RGS22: variants seen among roughly 807,000 people sequenced by gnomAD.
RGS22 encodes regulator of G protein signaling 22.
In RGS22, 148 loss-of-function variants were observed where a neutral mutation model predicts 172.9. The ratio of observed to expected loss-of-function variants is 0.86; its 90% CI spans 0.75 to 0.98. The LOEUF (loss-of-function observed/expected upper bound fraction) is 0.98, where lower values mean the gene tolerates loss of function less well. Ranked by LOEUF, RGS22 falls within the 50% of genes least tolerant of loss-of-function variation. The pLI is 0.00. For missense variants in RGS22, 1,347 were observed against 1,440.8 expected (o/e 0.93, Z 1.05); for synonymous variants, 458 against 480.2 (o/e 0.95, Z 0.60).
intron 23 of RGS22, among the ~76,000 whole-genome samples, chr8:99,965,840 C>T (rs1339243127): frequency 6.6e-6 from 1 of 152,028 alleles, no homozygotes; most frequent in Non-Finnish European, 1.5e-5. Context: ...CTTTTTAAAT[C>T]TGCCTTTTCA....
chr8:100,000,696 A>G (rs1814946833), intron 18 of RGS22, among the ~76,000 whole-genome samples: 1 of 152,214 alleles, frequency 6.6e-6, no homozygotes, highest in South Asian at 2.1e-4. Context: ...AGCACAAGCC[A>G]AATAGAAAAC....
chr8:100,014,280 C>G (rs976635165), intron 14 of RGS22, among the ~76,000 whole-genome samples: 2 of 152,212 alleles, frequency 1.3e-5, no homozygotes, highest in Non-Finnish European at 2.9e-5. Context: ...TCTACCTCTC[C>G]ACTGATTCCA....
intron 9 of RGS22, among the ~76,000 whole-genome samples, chr8:100,053,341 G>A (rs1821888621): frequency 6.6e-6 from 1 of 151,562 alleles, no homozygotes; most frequent in East Asian, 2.0e-4. Context: ...AGATTTGCTT[G>A]AACCCAGAAG....
chr8:100,059,822 G>GA (rs1410646479), intron 9 of RGS22, among the ~76,000 whole-genome samples: 2 of 152,018 alleles, frequency 1.3e-5, no homozygotes, highest in African/African-American at 4.8e-5. Flanking sequence ...TACCATTGGG[G>GA]AAAAATATAT....
At chr8:99,985,339 T>A (rs1320639386) in intron 21 of RGS22, among the ~76,000 whole-genome samples, 1 of 152,182 alleles carries the variant, frequency 6.6e-6, no homozygotes. Context: ...GTAAGCCCTA[T>A]AAGAGTTAGC....
intron 14 of RGS22, among the ~76,000 whole-genome samples, chr8:100,031,058 T>C (rs755764688): frequency 3.4e-4 from 51 of 152,198 alleles, no homozygotes; most frequent in Admixed American, 1.9e-3. Flanking sequence ...ACTTCACAGA[T>C]TTCCGTATAC....
chr8:100,013,913 T>C (rs147275975), intron 14 of RGS22, among the ~76,000 whole-genome samples: 1 of 152,304 alleles, frequency 6.6e-6, no homozygotes, highest in African/African-American at 2.4e-5. Flanking sequence ...ACTAAAAACA[T>C]AATGACTGAC....
chr8:100,074,496 T>G (rs1410354376), intron 4 of RGS22, among the ~76,000 whole-genome samples: 1 of 152,242 alleles, frequency 6.6e-6, no homozygotes, highest in Non-Finnish European at 1.5e-5. Context: ...TTCCAGAATG[T>G]CATATAAATG....
intron 4 of RGS22, among the ~76,000 whole-genome samples, chr8:100,073,526 C>G (rs1811136524): frequency 6.6e-6 from 1 of 152,168 alleles, no homozygotes; most frequent in Admixed American, 6.5e-5. Context: ...TAGCCAGCAC[C>G]TAATCAGCAG....
At position 100,051,603 on chromosome 8, in the gene RGS22, TTA is replaced by T. The variant is rs1279758760; in HGVS notation, c.1689+1197_1689+1198del. On this transcript the variant is annotated intron_variant, in intron 10 of 27. Coordinates refer to ENST00000360863, the MANE Select transcript of RGS22 (RefSeq NM_015668.5). The stretch of plus-strand genomic sequence containing the variant: ...TGTTTATACATATATAAATATATAT[TTA>T]TATATGTTTATACATATATAAATAT... Among the ~76,000 whole-genome samples, 59 of 38,346 alleles carry T rather than the reference TTA, an allele frequency of 1.5e-3. 21 individuals are homozygous for T. Among genetic ancestry groups the T allele is most frequent in the African/African-American group, 6.1e-3 (43 of 7,022 alleles). The allele number at this position is 38,346 out of a possible 152,430, so 25.2% of individuals were successfully genotyped here. A position where few individuals can be genotyped will look rare whatever the true frequency, so the allele number is the denominator to read the frequency against.
intron 11 of RGS22, among the ~76,000 whole-genome samples, chr8:100,046,872 G>A (rs1332365478): frequency 6.6e-6 from 1 of 151,838 alleles, no homozygotes; most frequent in Non-Finnish European, 1.5e-5. Context: ...CTAGAGTGCA[G>A]TGAAATGACC....
chr8:100,025,288 C>T (rs557520963), intron 14 of RGS22, among the ~76,000 whole-genome samples: 3 of 152,254 alleles, frequency 2.0e-5, no homozygotes, highest in Admixed American at 2.0e-4. Context: ...CAAGCCTGGC[C>T]GCTAATTGGG....
At chr8:100,101,433 T>C (rs1335301525) in intron 2 of RGS22, among the ~76,000 whole-genome samples, 1 of 145,446 alleles carries the variant, frequency 6.9e-6, no homozygotes, top group Non-Finnish European at 1.5e-5. Context: ...ACTACAGGCA[T>C]GCCCAGCTAA....
At chr8:99,983,519 C>G (rs1812771556) in intron 21 of RGS22, among the ~76,000 whole-genome samples, 1 of 152,080 alleles carries the variant, frequency 6.6e-6, no homozygotes, top group Non-Finnish European at 1.5e-5. Flanking sequence ...GAGATGGTAT[C>G]TCACTGTGGT....
At chr8:100,064,143 A>G (rs1220429768) in intron 7 of RGS22, 100 bp from the exon 8 acceptor site, 2 of 905,512 alleles carry the variant, frequency 2.2e-6, no homozygotes, top group African/African-American at 3.4e-5. Flanking sequence ...TGGGTTTATC[A>G]TAGGTAGTGA....
intron 20 of RGS22, among the ~76,000 whole-genome samples, chr8:99,992,724 C>G (rs912313540): frequency 6.6e-6 from 1 of 152,190 alleles, no homozygotes; most frequent in Non-Finnish European, 1.5e-5. Flanking sequence ...AGAAAATTAA[C>G]AAGGATATCC....
intron 22 of RGS22, among the ~76,000 whole-genome samples, chr8:99,980,316 G>A (rs1812416959): frequency 6.6e-6 from 1 of 152,176 alleles, no homozygotes; most frequent in Non-Finnish European, 1.5e-5. Flanking sequence ...TGAGTTGGAT[G>A]GTTTGGAGAG....
chr8:100,090,882 T>C (rs1305672933), intron 3 of RGS22, among the ~76,000 whole-genome samples: 3 of 152,172 alleles, frequency 2.0e-5, no homozygotes, highest in African/African-American at 7.2e-5. Context: ...ATTTTATTCT[T>C]AGTGTAATGA....
intron 9 of RGS22, among the ~76,000 whole-genome samples, chr8:100,061,832 A>G (rs1046539202): frequency 2.0e-5 from 3 of 152,256 alleles, no homozygotes; most frequent in African/African-American, 7.2e-5. Flanking sequence ...ATGCTATTAT[A>G]AAGACACATG....
Sources: gnomAD v4.1 joint callset for allele counts (sites outside exome capture counted in the v4.1 genomes callset) on GRCh38, gnomAD v4.1.1 for gene constraint, MANE v1.5 for transcripts, NCBI Gene and HGNC (gene_info 2026-07-23, HGNC 2026-07-21) for gene names.